The following ADGRB3 variants were observed in gnomAD, a reference collection of about 807,000 sequenced individuals.
ADGRB3 encodes the protein adhesion G protein-coupled receptor B3.
Under a neutral mutation model 193.4 loss-of-function variants are expected in ADGRB3, and 37 were observed. The observed-to-expected ratio is 0.19, with a 90% CI of 0.15 to 0.25. The LOEUF is 0.25. Ranked by LOEUF, ADGRB3 falls within the 10% of genes least tolerant of loss-of-function variation. The pLI is 1.00. For missense variants in ADGRB3, 1,637 were observed against 1,852.9 expected (o/e 0.88, Z 2.14); for synonymous variants, 690 against 644.2 (o/e 1.07, Z -1.08).
At chr6:68,813,226 G>C (rs1350349122) in intron 3 of ADGRB3, among the ~76,000 whole-genome samples, 1 of 152,080 alleles carries the variant, frequency 6.6e-6, no homozygotes, top group African/African-American at 2.4e-5. Flanking sequence ...CATGTAAGAA[G>C]TGCCTTTGAC....
chr6:69,328,205 C>CT (rs1768623465), intron 22 of ADGRB3, among the ~76,000 whole-genome samples: 3 of 152,096 alleles, frequency 2.0e-5, no homozygotes, highest in Admixed American at 6.5e-5. Flanking sequence ...GACATACTTA[C>CT]TTTTTAGAAC....
intron 17 of ADGRB3, among the ~76,000 whole-genome samples, chr6:69,087,053 T>C (rs1772571497): frequency 6.6e-6 from 1 of 152,148 alleles, no homozygotes; most frequent in Non-Finnish European, 1.5e-5. Context: ...CCTGTCAGCT[T>C]CTTTTCCAGA....
chr6:68,733,663 T>TA (rs1554184849), intron 3 of ADGRB3, among the ~76,000 whole-genome samples: 1 of 151,072 alleles, frequency 6.6e-6, no homozygotes, highest in African/African-American at 2.4e-5. Context: ...GGAAGGCTAG[T>TA]GGGGTTTGGA....
At position 68,661,867 on chromosome 6, in the gene ADGRB3, G is replaced by A. The variant is rs540258279; in HGVS notation, c.757+22435G>A. On this transcript the variant is annotated intron_variant, in intron 3 of 31. Coordinates refer to ENST00000370598, the MANE Select transcript of ADGRB3 (RefSeq NM_001704.3). ...AGATGCCTTAATGGGACCATGATGAGGCTTCTGCAGTAATCCAAAAATAAA... is the reference window on the plus strand; with the variant it reads ...AGATGCCTTAATGGGACCATGATGAAGCTTCTGCAGTAATCCAAAAATAAA... Among the ~76,000 whole-genome samples, 42 of 151,176 alleles carry A rather than the reference G, an allele frequency of 2.8e-4. No homozygotes were observed. The East Asian group carries it at 8.0e-3, about 29-fold the overall frequency.
intron 3 of ADGRB3, among the ~76,000 whole-genome samples, chr6:68,791,376 A>G (rs540601613): frequency 4.1e-4 from 63 of 152,368 alleles, no homozygotes; most frequent in Non-Finnish European, 7.9e-4. Flanking sequence ...TATATGCTAC[A>G]TAAGTATAAT....
At chr6:69,067,743 G>A (rs1771949196) in intron 16 of ADGRB3, among the ~76,000 whole-genome samples, 1 of 152,096 alleles carries the variant, frequency 6.6e-6, no homozygotes. Flanking sequence ...ACTAGACAAG[G>A]AGATTAAAGG....
At chr6:69,033,811 G>A (rs918051470) in intron 13 of ADGRB3, among the ~76,000 whole-genome samples, 1 of 152,108 alleles carries the variant, frequency 6.6e-6, no homozygotes, top group Admixed American at 6.5e-5. Flanking sequence ...AAAGAATGAA[G>A]ATACGTTTTA....
At chr6:68,794,467 T>C (rs1300621892) in intron 3 of ADGRB3, among the ~76,000 whole-genome samples, 3 of 152,142 alleles carry the variant, frequency 2.0e-5, no homozygotes, top group African/African-American at 7.2e-5. Flanking sequence ...GAGATGAAAC[T>C]GGGGGAAGAA....
Position 68,975,222 on chromosome 6 carries a change from T to C in ADGRB3, c.1628-12T>C, listed in dbSNP as rs765357297. On this transcript the variant is annotated splice_polypyrimidine_tract_variant and intron_variant, in intron 9 of 31. Coordinates refer to ENST00000370598, the MANE Select transcript of ADGRB3 (RefSeq NM_001704.3). Reference sequence around the variant, plus strand: ...TATTATAAAGCTTCTCTCTGTTCTTTGTGACACACAGGCACCACTAGCAGA... The same window carrying C: ...TATTATAAAGCTTCTCTCTGTTCTTCGTGACACACAGGCACCACTAGCAGA... 1.2e-6 allele frequency: 2 copies of C among 1,608,844 alleles called. No individual in the cohort carries two copies. Among genetic ancestry groups the C allele is most frequent in the Admixed American group, 3.3e-5 (2 of 59,972 alleles).
intron 3 of ADGRB3, among the ~76,000 whole-genome samples, chr6:68,875,150 CTCCTTCCTTCCT>C (rs201497712): frequency 0.02 from 500 of 24,448 alleles, 6 homozygotes; most frequent in East Asian, 0.033. Flanking sequence ...TCATTTCTTT[CTCCTTCCTTCCT>C]TCCTTCCTTC....
intron 20 of ADGRB3, among the ~76,000 whole-genome samples, chr6:69,303,574 C>G (rs373921624): frequency 2.6e-5 from 4 of 151,874 alleles, no homozygotes; most frequent in African/African-American, 9.7e-5. Context: ...CCTGCATTCC[C>G]GCACATTCAG....
At position 68,983,238 on chromosome 6, in the gene ADGRB3, T is replaced by G. The variant is rs530344005; in HGVS notation, c.1734+7898T>G. Reference sequence around the variant, plus strand: ...TACTTTTTTTCTATTTTTAACCTTATAACTTACTACTGATTATATCACTAA... The same window carrying G: ...TACTTTTTTTCTATTTTTAACCTTAGAACTTACTACTGATTATATCACTAA... On this transcript the variant is annotated intron_variant, in intron 10 of 31. Transcript: ENST00000370598. Among the ~76,000 whole-genome samples the G allele has an allele frequency of 3.2e-4, 49 of 152,010 alleles. No individual in the cohort carries two copies. The South Asian group carries it at 9.3e-3, about 29-fold the overall frequency.
chr6:68,823,617 T>C (rs1767787252), intron 3 of ADGRB3, among the ~76,000 whole-genome samples: 1 of 152,086 alleles, frequency 6.6e-6, no homozygotes, highest in African/African-American at 2.4e-5. Context: ...AACTGTTCTA[T>C]TTTGGTTAAT....
At chr6:68,802,026 C>T (rs1308818208) in intron 3 of ADGRB3, among the ~76,000 whole-genome samples, 1 of 152,206 alleles carries the variant, frequency 6.6e-6, no homozygotes, top group Admixed American at 6.5e-5. Context: ...AATATTCTAA[C>T]TCCCTTATTC....
chr6:69,161,301 C>T (rs1774979174), intron 17 of ADGRB3, among the ~76,000 whole-genome samples: 1 of 151,958 alleles, frequency 6.6e-6, no homozygotes, highest in Non-Finnish European at 1.5e-5. Flanking sequence ...ACTGCAACTG[C>T]TGAAATTGGT....
In ADGRB3 at chr6:68,884,054, T is replaced by C. The variant is rs536657183; in HGVS notation, c.758-46505T>C. Among the ~76,000 whole-genome samples the C allele has an allele frequency of 4.3e-4, 66 of 152,350 alleles. 1 individual carries two copies. The highest frequency in any genetic ancestry group is 3.4e-3 in the Admixed American group (52 of 15,302). Reference sequence around the variant, plus strand: ...TGACTAGAATTCAGAGTGCTTTGTTTGGCACTAAATGTGACACCTGAGCTC... The same window carrying C: ...TGACTAGAATTCAGAGTGCTTTGTTCGGCACTAAATGTGACACCTGAGCTC... On this transcript the variant is annotated intron_variant, in intron 3 of 31. Coordinates refer to ENST00000370598, the MANE Select transcript of ADGRB3 (RefSeq NM_001704.3).
At chr6:69,313,005 A>C (rs1768230107) in intron 20 of ADGRB3, among the ~76,000 whole-genome samples, 1 of 151,832 alleles carries the variant, frequency 6.6e-6, no homozygotes, top group African/African-American at 2.4e-5. Flanking sequence ...CATTGTAGGT[A>C]TTTTTCATTC....
In ADGRB3 at chr6:68,975,113, C is replaced by A; in HGVS notation, c.1628-121C>A. 3 of 765,772 alleles carry A rather than the reference C, an allele frequency of 3.9e-6. No homozygotes were observed. In the South Asian group the frequency reaches 5.9e-5, roughly 15 times the overall value. The allele number at this position is 765,772 out of a possible 1,614,324, so 47.4% of individuals were successfully genotyped here. A position where few individuals can be genotyped will look rare whatever the true frequency, so the allele number is the denominator to read the frequency against. On this transcript the variant is annotated intron_variant, in intron 9 of 31. Coordinates refer to ENST00000370598, the MANE Select transcript of ADGRB3 (RefSeq NM_001704.3). Reference sequence around the variant, plus strand: ...ATAAAAATAATCAAAATATCAATTTCATGTGCATGTTTTTTAAAGAAAAAA... The same window carrying A: ...ATAAAAATAATCAAAATATCAATTTAATGTGCATGTTTTTTAAAGAAAAAA...
At chr6:68,996,015 C>T (rs973089262) in intron 11 of ADGRB3, among the ~76,000 whole-genome samples, 20 of 152,208 alleles carry the variant, frequency 1.3e-4, no homozygotes, top group African/African-American at 4.6e-4. Context: ...ATTCTTTGAA[C>T]TTCACGTTAC....
Sources: allele counts gnomAD v4.1 joint callset (sites outside exome capture counted in the v4.1 genomes callset), GRCh38; gene constraint gnomAD v4.1.1; transcripts MANE v1.5; gene names NCBI Gene and HGNC (gene_info 2026-07-23, HGNC 2026-07-21).